The following RAPGEF5 variants were observed in gnomAD, a reference collection of about 807,000 sequenced individuals.
The protein encoded by RAPGEF5 is Rap guanine nucleotide exchange factor 5, also known as M-Ras-regulated GEF.
In RAPGEF5, 65 loss-of-function variants were observed where a neutral mutation model predicts 125.2. The observed-to-expected ratio is 0.52, with a 90% CI of 0.43 to 0.64. The LOEUF is 0.64. RAPGEF5 is among the 30% of genes least tolerant of loss of function. The pLI is 0.00. For synonymous variants in RAPGEF5, 391 were observed against 385.9 expected (o/e 1.01, Z -0.16); for missense variants, 958 against 1,048.1 (o/e 0.91, Z 1.19).
chr7:22,290,003 T>C (rs192308215), intron 6 of RAPGEF5, among the ~76,000 whole-genome samples: 1 of 152,366 alleles, frequency 6.6e-6, no homozygotes, highest in African/African-American at 2.4e-5. Flanking sequence ...TAATCCTCTT[T>C]CCTTTATAAA....
chr7:22,229,490 G>T (rs1017580566), intron 8 of RAPGEF5, among the ~76,000 whole-genome samples: 4 of 152,150 alleles, frequency 2.6e-5, no homozygotes, highest in Non-Finnish European at 4.4e-5. Flanking sequence ...TGGCAAATAG[G>T]TGCTCAAGCC....
intron 7 of RAPGEF5, among the ~76,000 whole-genome samples, chr7:22,249,906 G>A (rs1786575273): frequency 1.3e-5 from 2 of 152,170 alleles, no homozygotes; most frequent in African/African-American, 4.8e-5. Flanking sequence ...ATGAGGTACA[G>A]CCCAGGAATT....
intron 6 of RAPGEF5, among the ~76,000 whole-genome samples, chr7:22,272,248 C>T (rs377438736): frequency 2.0e-5 from 3 of 146,846 alleles, no homozygotes; most frequent in African/African-American, 7.6e-5. Flanking sequence ...GAGGCCTAGG[C>T]AGGAGAATCA....
intron 1 of RAPGEF5, among the ~76,000 whole-genome samples, chr7:22,335,448 C>T (rs1470469815): frequency 6.6e-6 from 1 of 152,152 alleles, no homozygotes; most frequent in Non-Finnish European, 1.5e-5. Flanking sequence ...CTATCTTCTA[C>T]CTCATCTTCC....
chr7:22,258,669 T>TG (rs1201667765), intron 7 of RAPGEF5, among the ~76,000 whole-genome samples: 1 of 131,052 alleles, frequency 7.6e-6, no homozygotes, highest in African/African-American at 2.9e-5. Flanking sequence ...AATAGATCAA[T>TG]GGAACAGAAT....
intron 11 of RAPGEF5, among the ~76,000 whole-genome samples, chr7:22,176,119 G>T (rs1050975491): frequency 8.5e-5 from 13 of 152,126 alleles, no homozygotes; most frequent in African/African-American, 2.4e-4. Flanking sequence ...TGTCTTACAT[G>T]GTGTGTGCGT....
intron 20 of RAPGEF5, among the ~76,000 whole-genome samples, chr7:22,143,044 T>C (rs1049733337): frequency 2.0e-5 from 3 of 152,200 alleles, no homozygotes; most frequent in Non-Finnish European, 4.4e-5. Context: ...TATAATCTTA[T>C]AGTGGGAACT....
chr7:22,293,005 C>A (rs1483824947), intron 5 of RAPGEF5, among the ~76,000 whole-genome samples: 1 of 152,184 alleles, frequency 6.6e-6, no homozygotes, highest in African/African-American at 2.4e-5. Context: ...TGTTTGGAAG[C>A]AAAACTGTCT....
intron 5 of RAPGEF5, among the ~76,000 whole-genome samples, chr7:22,291,485 TA>T (rs1782934489): frequency 6.6e-6 from 1 of 152,080 alleles, no homozygotes; most frequent in African/African-American, 2.4e-5. Context: ...GACGATGGGG[TA>T]TTACTCACCC....
intron 9 of RAPGEF5, among the ~76,000 whole-genome samples, chr7:22,210,301 G>A (rs1490991938): frequency 6.6e-6 from 1 of 152,176 alleles, no homozygotes; most frequent in East Asian, 1.9e-4. Context: ...GCCATTTGGG[G>A]AATGTTAGAA....
At chr7:22,263,506 G>C (rs1157057442) in intron 7 of RAPGEF5, among the ~76,000 whole-genome samples, 1 of 152,056 alleles carries the variant, frequency 6.6e-6, no homozygotes. Flanking sequence ...GAGACGGGTG[G>C]ATCACCTGAG....
intron 6 of RAPGEF5, among the ~76,000 whole-genome samples, chr7:22,285,583 C>G (rs1317138730): frequency 1.3e-5 from 2 of 152,148 alleles, no homozygotes; most frequent in African/African-American, 4.8e-5. Flanking sequence ...TCCAATATAT[C>G]AAATCCAAAT....
intron 11 of RAPGEF5, among the ~76,000 whole-genome samples, chr7:22,185,527 T>C (rs929079005): frequency 1.3e-5 from 2 of 152,236 alleles, no homozygotes; most frequent in Non-Finnish European, 2.9e-5. Flanking sequence ...ATATTCTCCA[T>C]GCTAGTAATT....
chr7:22,194,578 T>C lies in RAPGEF5; in HGVS notation c.997-545A>G, dbSNP rs1785102092. The C allele has an allele frequency of 1.0e-5, 10 of 984,214 alleles. No homozygotes were observed. The South Asian group carries it at 4.7e-4, about 46-fold the overall frequency. 61.0% of individuals were successfully genotyped at this position (984,214 alleles called of 1,614,324 possible). A position where few individuals can be genotyped will look rare whatever the true frequency, so the allele number is the denominator to read the frequency against. ...AAAAAAAAACTACCCACTCCATCAT[T>C]CAATTCAATTTTTTTTTCAGACTTG... On this transcript the variant is annotated intron_variant, in intron 9 of 25. Transcript: ENST00000665637.
chr7:22,128,226 A>G (rs1782809193), intron 24 of RAPGEF5, among the ~76,000 whole-genome samples: 4 of 152,188 alleles, frequency 2.6e-5, no homozygotes, highest in Admixed American at 1.3e-4. Flanking sequence ...ATCGAGGGAT[A>G]AAGAGAAGAA....
chr7:22,169,964 T>C (rs1458395362), intron 11 of RAPGEF5, among the ~76,000 whole-genome samples: 2 of 150,320 alleles, frequency 1.3e-5, no homozygotes, highest in African/African-American at 4.9e-5. Flanking sequence ...TGAGCCAAGA[T>C]TATGCCACTG....
intron 1 of RAPGEF5, among the ~76,000 whole-genome samples, chr7:22,337,757 T>C (rs1784052972): frequency 1.3e-5 from 2 of 152,222 alleles, no homozygotes; most frequent in African/African-American, 2.4e-5. Context: ...TCCAGCGTGA[T>C]GGGCAAAGCC....
intron 20 of RAPGEF5, among the ~76,000 whole-genome samples, chr7:22,143,842 C>T (rs1669425618): frequency 6.6e-6 from 1 of 152,252 alleles, no homozygotes; most frequent in South Asian, 2.1e-4. Context: ...TATAGAATTA[C>T]CCACTGACAC....
chr7:22,315,559 ATATATAT>A, intron 2 of RAPGEF5, 83 bp from the exon 3 acceptor site: 1 of 595,278 alleles, frequency 1.7e-6, no homozygotes, highest in Non-Finnish European at 2.1e-6. Flanking sequence ...ATATATATAT[ATATATAT>A]ATTTATATAT....
Sources: allele counts gnomAD v4.1 joint callset (sites outside exome capture counted in the v4.1 genomes callset), GRCh38; gene constraint gnomAD v4.1.1; transcripts MANE v1.5; gene names NCBI Gene and HGNC (gene_info 2026-07-23, HGNC 2026-07-21).